The following MDFIC2 variants were observed in gnomAD, a reference collection of about 807,000 sequenced individuals.
MDFIC2 encodes MyoD family inhibitor domain containing 2.
chr3:70,237,206 T>C (rs1014471928), intron 2 of MDFIC2, among the ~76,000 whole-genome samples: 3 of 152,236 alleles, frequency 2.0e-5, no homozygotes, highest in African/African-American at 7.2e-5. Flanking sequence ...TTTTTCCCTT[T>C]GTTAGTATAT....
chr3:70,229,573 T>C (rs1701539733), intron 2 of MDFIC2, among the ~76,000 whole-genome samples: 1 of 152,218 alleles, frequency 6.6e-6, no homozygotes, highest in Admixed American at 6.5e-5. Flanking sequence ...AGAAATGATG[T>C]AGCTCCCTTG....
At chr3:70,269,855 T>C (rs796451373) in intron 2 of MDFIC2, among the ~76,000 whole-genome samples, 14 of 152,188 alleles carry the variant, frequency 9.2e-5, no homozygotes, top group African/African-American at 3.4e-4. Flanking sequence ...ACACTAAATA[T>C]CCAAACTTAA....
rs138141252 is a variant in MDFIC2 at position 70,297,032 on chromosome 3, A to C, written c.88+14854T>G. ...CACACATACGCACATACTATGGCTT[A>C]ACCAAGGTGTGCTGATTGATGAATT... is the stretch of plus-strand genomic sequence containing the variant. On this transcript the variant is annotated intron_variant, in intron 2 of 3. Transcript: ENST00000567252. Among the ~76,000 whole-genome samples the C allele has an allele frequency of 3.8e-3, 583 of 152,124 alleles. 1 individual carries two copies. Among genetic ancestry groups the C allele is most frequent in the Non-Finnish European group, 6.0e-3 (409 of 67,974 alleles).
At chr3:70,254,040 A>C (rs1194878963) in intron 2 of MDFIC2, among the ~76,000 whole-genome samples, 3 of 152,226 alleles carry the variant, frequency 2.0e-5, no homozygotes, top group African/African-American at 7.2e-5. Context: ...GAATCTGTAC[A>C]GTTTGATTCA....
At chr3:70,263,691 C>T (rs886506965) in intron 2 of MDFIC2, among the ~76,000 whole-genome samples, 2 of 152,188 alleles carry the variant, frequency 1.3e-5, no homozygotes, top group East Asian at 3.8e-4. Flanking sequence ...CTACCGAGCT[C>T]CCTTCTCTTG....
rs972770927 is a variant in MDFIC2, at chr3:70,256,286, G to A, written c.89-49496C>T. On this transcript the variant is annotated intron_variant, in intron 2 of 3. Coordinates refer to ENST00000567252, the MANE Select transcript of MDFIC2 (RefSeq NM_001364677.1). ...GACACCTTTGTTGTGGATTTTCTAA[G>A]TCAGACAGAGAGAAATGTACTCGTT... Among the ~76,000 whole-genome samples the A allele has an allele frequency of 2.0e-5, 3 of 152,292 alleles. 1 individual carries two copies. In the East Asian group the frequency reaches 5.8e-4, roughly 29 times the overall value.
chr3:70,252,396 G>T (rs1017321315), intron 2 of MDFIC2, among the ~76,000 whole-genome samples: 15 of 152,190 alleles, frequency 9.9e-5, no homozygotes, highest in Non-Finnish European at 1.5e-4. Flanking sequence ...ATTGGGTGTT[G>T]GGGAGTGGGT....
intron 2 of MDFIC2, among the ~76,000 whole-genome samples, chr3:70,222,768 A>T (rs560918357): frequency 6.6e-6 from 1 of 152,148 alleles, no homozygotes; most frequent in East Asian, 1.9e-4. Context: ...GGTGCCTCCT[A>T]TTAAATAATT....
intron 2 of MDFIC2, among the ~76,000 whole-genome samples, chr3:70,273,957 C>T (rs1254794982): frequency 3.3e-5 from 5 of 151,974 alleles, no homozygotes; most frequent in Non-Finnish European, 5.9e-5. Flanking sequence ...GCACTGCACC[C>T]GGCCCAGAAT....
At chr3:70,200,626 G>A (rs1701227832) in intron 3 of MDFIC2, among the ~76,000 whole-genome samples, 1 of 152,016 alleles carries the variant, frequency 6.6e-6, no homozygotes, top group Non-Finnish European at 1.5e-5. Context: ...TTTCTTCATA[G>A]CACTGACCAT....
chr3:70,269,899 T>A (rs1446632313), intron 2 of MDFIC2, among the ~76,000 whole-genome samples: 1 of 152,160 alleles, frequency 6.6e-6, no homozygotes, highest in Non-Finnish European at 1.5e-5. Flanking sequence ...GAAAAATTAC[T>A]ATTCTTAAGT....
intron 3 of MDFIC2, among the ~76,000 whole-genome samples, chr3:70,199,705 A>G (rs1349040347): frequency 6.6e-6 from 1 of 152,188 alleles, no homozygotes; most frequent in African/African-American, 2.4e-5. Context: ...CAACTGTTTG[A>G]AAAGAGCGTT....
At chr3:70,303,481 CAG>C (rs1173574808) in intron 2 of MDFIC2, among the ~76,000 whole-genome samples, 2 of 152,094 alleles carry the variant, frequency 1.3e-5, no homozygotes, top group Non-Finnish European at 2.9e-5. Flanking sequence ...TTAGGCTCAC[CAG>C]AACTAGATTA....
intron 2 of MDFIC2, among the ~76,000 whole-genome samples, chr3:70,245,977 C>G (rs1422437189): frequency 6.6e-6 from 1 of 150,672 alleles, no homozygotes; most frequent in Non-Finnish European, 1.5e-5. Context: ...TGGTAGGGAA[C>G]TGAAATTGAC....
chr3:70,265,557 G>A (rs1309314276), intron 2 of MDFIC2, among the ~76,000 whole-genome samples: 1 of 151,148 alleles, frequency 6.6e-6, no homozygotes, highest in Non-Finnish European at 1.5e-5. Context: ...AGGACTTTTA[G>A]GGTGGGGTTG....
At chr3:70,211,936 G>A (rs1701355474) in intron 2 of MDFIC2, among the ~76,000 whole-genome samples, 1 of 148,310 alleles carries the variant, frequency 6.7e-6, no homozygotes, top group African/African-American at 2.5e-5. Context: ...CCTCTCTGGT[G>A]TAATTCCTTG....
chr3:70,286,625 A>T (rs911478131), intron 2 of MDFIC2, among the ~76,000 whole-genome samples: 4 of 151,994 alleles, frequency 2.6e-5, no homozygotes, highest in African/African-American at 4.8e-5. Flanking sequence ...TGGGGATGGC[A>T]TTGAATCTGT....
chr3:70,306,571 C>T (rs548257759), intron 2 of MDFIC2, among the ~76,000 whole-genome samples: 87 of 152,216 alleles, frequency 5.7e-4, no homozygotes, highest in Non-Finnish European at 6.6e-4. Context: ...ATTGCCCATT[C>T]CCCACCCCCT....
intron 2 of MDFIC2, among the ~76,000 whole-genome samples, chr3:70,261,011 C>T (rs1427740649): frequency 1.3e-5 from 2 of 152,038 alleles, no homozygotes; most frequent in African/African-American, 2.4e-5. Context: ...TGAAAAATTC[C>T]GCTTGACATG....
Sources: gnomAD v4.1 joint callset for allele counts (sites outside exome capture counted in the v4.1 genomes callset) on GRCh38, gnomAD v4.1.1 for gene constraint, MANE v1.5 for transcripts, NCBI Gene and HGNC (gene_info 2026-07-23, HGNC 2026-07-21) for gene names.